The following CYP24A1 variants were observed in gnomAD, a reference collection of about 807,000 sequenced individuals.
CYP24A1 encodes the protein 1,25-dihydroxyvitamin D(3) 24-hydroxylase, mitochondrial.
A neutral mutation model predicts 62.4 loss-of-function variants in CYP24A1; 68 were observed. That is an observed-to-expected ratio of 1.09 (90% CI 0.90 to 1.33). The LOEUF (loss-of-function observed/expected upper bound fraction) is 1.33. Ranked by LOEUF, CYP24A1 falls within the 40% of genes most tolerant of loss-of-function variation. The pLI is 0.00. For synonymous variants in CYP24A1, 267 were observed against 253.0 expected, an observed-to-expected ratio of 1.06 and a Z score of -0.52; for missense variants, 787 against 653.0, an observed-to-expected ratio of 1.21 and a Z score of -2.24.
Position 54,171,585 on chromosome 20 carries a change from T to C in CYP24A1, c.535A>G (p.Ile179Val), listed in dbSNP as rs2146508983. Residue 179 changes from isoleucine (I) to valine (V), a missense_variant, in exon 3 of 12, where the codon ATC (isoleucine) becomes GTC (valine). By Grantham distance (29) the Ile-to-Val change is conservative. Coordinates refer to ENST00000216862, the MANE Select transcript of CYP24A1 (RefSeq NM_000782.5). ...PGEVMKLDNK[I>V]NEVLADFMGR... ...GGCCCCAGCCTGCAGACCTCATTGA[T>C]TTTGTTGTCCAGCTTCATCACTTCC... 1.2e-6 allele frequency: 2 copies of C among 1,613,944 alleles called. No individual in the cohort carries two copies. The highest frequency in any genetic ancestry group is 1.1e-5 in the South Asian group (1 of 91,070).
chr20:54,163,002 T>G, intron 6 of CYP24A1, 140 bp from the exon 7 acceptor site: 1 of 704,870 alleles, frequency 1.4e-6, no homozygotes. Flanking sequence ...CTACACACAC[T>G]AATTATATTA....
chr20:54,163,713 A>G (rs1365969526), intron 6 of CYP24A1, among the ~76,000 whole-genome samples: 1 of 152,268 alleles, frequency 6.6e-6, no homozygotes, highest in Non-Finnish European at 1.5e-5. Context: ...AAATAGATCT[A>G]GTCCACGGAG....
chr20:54,154,253 G>A lies in CYP24A1; in HGVS notation c.*519C>T, dbSNP rs1353070268. ...TTATAAGTTGTTTGACTTCGTTAAA[G>A]TCCTTTTAAAAATAGAGGTGTTCTC... On this transcript the variant is annotated 3_prime_UTR_variant, in exon 12 of 12. Transcript: ENST00000216862. The A allele has an allele frequency of 6.6e-6, 1 of 152,150 alleles. No individual in the cohort carries two copies. Among genetic ancestry groups the A allele is most frequent in the Non-Finnish European group, 1.5e-5 (1 of 68,026 alleles). 9.4% of individuals were successfully genotyped at this position (152,150 alleles called of 1,614,324 possible). A position where few individuals can be genotyped will look rare whatever the true frequency, so the allele number is the denominator to read the frequency against.
chr20:54,167,849 T>A (rs1006032157), intron 4 of CYP24A1, among the ~76,000 whole-genome samples: 3 of 152,220 alleles, frequency 2.0e-5, no homozygotes, highest in African/African-American at 7.2e-5. Flanking sequence ...GGAAGTGTTA[T>A]AGGTTTTCCT....
chr20:54,163,244 G>A (rs2092659313), intron 6 of CYP24A1, among the ~76,000 whole-genome samples: 1 of 152,144 alleles, frequency 6.6e-6, no homozygotes, highest in Non-Finnish European at 1.5e-5. Flanking sequence ...GGAGAAAAAA[G>A]TGTAAAAGAA....
downstream of CYP24A1, among the ~76,000 whole-genome samples, chr20:54,152,004 C>A (rs925896808): frequency 6.6e-6 from 1 of 152,182 alleles, no homozygotes; most frequent in Non-Finnish European, 1.5e-5. Context: ...ATATTATTAT[C>A]ATCATGACCA....
chr20:54,168,284 C>G (rs2092679686), intron 4 of CYP24A1, among the ~76,000 whole-genome samples: 1 of 152,196 alleles, frequency 6.6e-6, no homozygotes, highest in Admixed American at 6.6e-5. Flanking sequence ...GAGCTCTGCC[C>G]TTTATTTCCA....
At chr20:54,169,571 A>C (rs1227196837) in intron 4 of CYP24A1, 21 bp downstream of exon 4, 5 of 1,614,056 alleles carry the variant, frequency 3.1e-6, no homozygotes, top group Non-Finnish European at 4.2e-6. Flanking sequence ...ATCAGTGAGC[A>C]AGTCTGTGAC....
intron 4 of CYP24A1, among the ~76,000 whole-genome samples, chr20:54,168,504 C>T (rs1376334880): frequency 6.6e-6 from 1 of 152,134 alleles, no homozygotes; most frequent in Non-Finnish European, 1.5e-5. Flanking sequence ...TCCTCAAACT[C>T]GGCGCTCATG....
At chr20:54,164,397 C>T in intron 6 of CYP24A1, 55 bp downstream of exon 6, 1 of 1,613,402 alleles carries the variant, frequency 6.2e-7, no homozygotes, top group Non-Finnish European at 8.5e-7. Context: ...CTCTGAAGCT[C>T]CAGACACGGG....
At chr20:54,148,187 CTT>C in the CYP24A1 span, among the ~76,000 whole-genome samples, 1 of 147,948 alleles carries the variant, frequency 6.8e-6, no homozygotes, top group African/African-American at 2.5e-5. Flanking sequence ...CTTTTCTTTT[CTT>C]TTTTTTTTTG....
At chr20:54,166,442 C>T (rs192346360) in intron 4 of CYP24A1, among the ~76,000 whole-genome samples, 3 of 152,230 alleles carry the variant, frequency 2.0e-5, no homozygotes, top group East Asian at 3.9e-4. Context: ...CTGAATCCCC[C>T]GAACTCATCA....
At chr20:54,158,747 G>A (rs1313712218) in intron 8 of CYP24A1, among the ~76,000 whole-genome samples, 1 of 152,152 alleles carries the variant, frequency 6.6e-6, no homozygotes. Context: ...AAAGGGGAGG[G>A]CACTGGCTTT....
At chr20:54,150,021 C>T (rs1361014103), downstream of CYP24A1, among the ~76,000 whole-genome samples, 1 of 152,156 alleles carries the variant, frequency 6.6e-6, no homozygotes, top group Admixed American at 6.5e-5. Flanking sequence ...CCATTTATGC[C>T]TAGTGTTCCA....
chr20:54,161,388 T>C (rs1601131635), intron 7 of CYP24A1, among the ~76,000 whole-genome samples: 1 of 152,216 alleles, frequency 6.6e-6, no homozygotes. Flanking sequence ...TCCACACCAC[T>C]ATCTAAAGTG....
At position 54,164,501 on chromosome 20, in the gene CYP24A1, G is replaced by A. The variant is rs779851763; in HGVS notation, c.795C>T (p.Thr265=). The A allele has an allele frequency of 3.1e-6, 5 of 1,614,116 alleles. No individual in the cohort carries two copies. The South Asian group carries it at 5.5e-5, about 18-fold the overall frequency. The stretch of plus-strand genomic sequence containing the variant: ...CCAGAGTGTGGTCCTGCCAGACCTT[G>A]GTGTTGAGGCTCTTGTGCAGCTCGA... ...TPVELHKSLN[T]KVWQDHTLAW... Residue 265 remains threonine (T), a synonymous_variant, in exon 6 of 12, where the codon ACC becomes ACT. Coordinates refer to ENST00000216862, the MANE Select transcript of CYP24A1 (RefSeq NM_000782.5).
At chr20:54,150,302 A>T (rs2092610621), downstream of CYP24A1, among the ~76,000 whole-genome samples, 1 of 152,146 alleles carries the variant, frequency 6.6e-6, no homozygotes, top group South Asian at 2.1e-4. Context: ...ATACCCCTTA[A>T]ACTTCATGCT....
rs774227656 is a variant in CYP24A1, at chr20:54,162,842, G to T, written c.865C>A (p.Arg289=). The T allele has an allele frequency of 2.5e-6, 4 of 1,574,736 alleles. No individual in the cohort carries two copies. The Admixed American group carries it at 5.0e-5, about 20-fold the overall frequency. ...FKSVKACIDN[R]LEKYSQQPSA... Reference sequence around the variant, plus strand: ...GGCTGCTGAGAATACTTCTCTAACCGGTTGTCGATACAAGCTTTGACTATT... The same window carrying T: ...GGCTGCTGAGAATACTTCTCTAACCTGTTGTCGATACAAGCTTTGACTATT... Residue 289 remains arginine, a synonymous_variant, in exon 7 of 12, where the codon CGG becomes AGG. Coordinates refer to ENST00000216862, the MANE Select transcript of CYP24A1 (RefSeq NM_000782.5).
intron 6 of CYP24A1, among the ~76,000 whole-genome samples, chr20:54,164,013 G>A (rs551756662): frequency 3.9e-5 from 6 of 152,208 alleles, no homozygotes; most frequent in Admixed American, 2.6e-4. Flanking sequence ...TTGGCTCACT[G>A]CAACCTCCGC....
Sources: gnomAD v4.1 joint callset for allele counts (sites outside exome capture counted in the v4.1 genomes callset) on GRCh38, gnomAD v4.1.1 for gene constraint, MANE v1.5 for transcripts, NCBI Gene and HGNC (gene_info 2026-07-23, HGNC 2026-07-21) for gene names.